Variants in EPC2 observed in about 807,000 individuals in gnomAD.
EPC2 encodes the protein enhancer of polycomb 2.
A neutral mutation model predicts 92.1 loss-of-function variants in EPC2; 14 were observed. That is an observed-to-expected ratio of 0.15 (90% CI 0.10 to 0.24). The LOEUF is 0.24. EPC2 is among the 10% of genes least tolerant of loss of function. EPC2 has a pLI of 1.00. For synonymous variants in EPC2, 340 were observed against 334.7 expected, an observed-to-expected ratio of 1.02 and a Z score of -0.17; for missense variants, 755 against 971.5, an observed-to-expected ratio of 0.78 and a Z score of 2.96.
chr2:148,708,979 T>G (rs1052979761), intron 2 of EPC2, among the ~76,000 whole-genome samples: 3 of 152,194 alleles, frequency 2.0e-5, no homozygotes, highest in African/African-American at 7.2e-5. Context: ...AACATAGTGT[T>G]GGAAGTTCTG....
chr2:148,737,367 A>ATATATTC lies in EPC2; in HGVS notation c.314-6255_314-6254insTATATTC, dbSNP rs1220697563. On this transcript the variant is annotated intron_variant, in intron 2 of 13. Transcript: ENST00000258484. ...TATCTATAAAATTAAATATATTCAA[A>ATATATTC]GAGGTCTAGTTATTACCTCTATCCC... Among the ~76,000 whole-genome samples, 41 of 152,294 alleles carry ATATATTC rather than the reference A, an allele frequency of 2.7e-4. No individual in the cohort carries two copies. The East Asian group carries it at 7.9e-3, about 29-fold the overall frequency.
At chr2:148,748,115 A>G (rs1181674682) in intron 3 of EPC2, among the ~76,000 whole-genome samples, 2 of 152,100 alleles carry the variant, frequency 1.3e-5, no homozygotes, top group Non-Finnish European at 2.9e-5. Context: ...GTTTTACAAG[A>G]TCGATTCACA....
intron 11 of EPC2, among the ~76,000 whole-genome samples, chr2:148,782,750 A>G (rs973481739): frequency 2.0e-4 from 3 of 14,890 alleles, no homozygotes; most frequent in Admixed American, 1.1e-3. Context: ...GCAGAACTAT[A>G]TGATAATAAA....
At chr2:148,779,375 A>G (rs909952083) in intron 10 of EPC2, among the ~76,000 whole-genome samples, 6 of 152,194 alleles carry the variant, frequency 3.9e-5, no homozygotes, top group Middle Eastern at 3.2e-3. Flanking sequence ...TGCAGCCATG[A>G]ACTGGAGGCC....
intron 11 of EPC2, among the ~76,000 whole-genome samples, chr2:148,783,195 A>T (rs186152896): frequency 1.4e-4 from 21 of 152,330 alleles, no homozygotes; most frequent in African/African-American, 4.8e-4. Flanking sequence ...TGGTTAACCA[A>T]CCAAAAGTAT....
At chr2:148,697,231 A>G (rs189053169) in intron 2 of EPC2, among the ~76,000 whole-genome samples, 1 of 152,178 alleles carries the variant, frequency 6.6e-6, no homozygotes, top group Non-Finnish European at 1.5e-5. Flanking sequence ...TCATCATTAC[A>G]AGTTGCAAAT....
chr2:148,646,941 C>T lies in EPC2; in HGVS notation c.153+1771C>T, dbSNP rs996453579. Among the ~76,000 whole-genome samples the T allele has an allele frequency of 2.6e-5, 4 of 152,002 alleles. 1 individual carries two copies. Among genetic ancestry groups the T allele is most frequent in the Admixed American group, 6.5e-5 (1 of 15,268 alleles). On this transcript the variant is annotated intron_variant, in intron 1 of 13. Transcript: ENST00000258484. ...CCTGGCCAGTATGGTGAAACTCCGT[C>T]TCCACTAAAAATACAAAAATTAGCC... is the stretch of plus-strand genomic sequence containing the variant.
At chr2:148,728,298 T>A (rs1002697011) in intron 2 of EPC2, among the ~76,000 whole-genome samples, 4 of 151,276 alleles carry the variant, frequency 2.6e-5, no homozygotes, top group African/African-American at 9.7e-5. Context: ...AGCACCTTGC[T>A]TTTTTTGTTT....
At chr2:148,681,633 A>G (rs960881374) in intron 1 of EPC2, among the ~76,000 whole-genome samples, 4 of 152,198 alleles carry the variant, frequency 2.6e-5, no homozygotes, top group African/African-American at 9.7e-5. Flanking sequence ...CCGTAAAAAA[A>G]AATTGCTGAC....
intron 2 of EPC2, among the ~76,000 whole-genome samples, chr2:148,715,762 T>C (rs1682247110): frequency 6.6e-6 from 1 of 152,188 alleles, no homozygotes; most frequent in Non-Finnish European, 1.5e-5. Context: ...CTGTGAAGAA[T>C]GTCAATGGTA....
At chr2:148,663,296 G>A (rs969778225) in intron 1 of EPC2, among the ~76,000 whole-genome samples, 4 of 149,820 alleles carry the variant, frequency 2.7e-5, no homozygotes, top group Admixed American at 2.0e-4. Flanking sequence ...TTGGCTCACT[G>A]CAAGCTCCGT....
chr2:148,730,035 A>T (rs1317213136), intron 2 of EPC2, among the ~76,000 whole-genome samples: 6 of 152,196 alleles, frequency 3.9e-5, no homozygotes, highest in Admixed American at 6.5e-5. Context: ...TAAAAATTTT[A>T]AATTAGTCAG....
chr2:148,657,874 ATCAC>A (rs1680837743), intron 1 of EPC2, among the ~76,000 whole-genome samples: 1 of 147,740 alleles, frequency 6.8e-6, no homozygotes, highest in East Asian at 2.1e-4. Context: ...TTTTTTGACT[ATCAC>A]TCATTTTGTG....
chr2:148,730,600 A>G (rs1038373266), intron 2 of EPC2, among the ~76,000 whole-genome samples: 1 of 152,152 alleles, frequency 6.6e-6, no homozygotes, highest in African/African-American at 2.4e-5. Context: ...AACCCTTCAG[A>G]TGATTCTGGT....
At chr2:148,663,870 C>G (rs1441033008) in intron 1 of EPC2, among the ~76,000 whole-genome samples, 6 of 152,126 alleles carry the variant, frequency 3.9e-5, no homozygotes, top group Non-Finnish European at 1.5e-5. Context: ...GTTCACACTC[C>G]TATGACAATC....
At chr2:148,660,070 A>C (rs1338689286) in intron 1 of EPC2, among the ~76,000 whole-genome samples, 1 of 152,152 alleles carries the variant, frequency 6.6e-6, no homozygotes, top group Non-Finnish European at 1.5e-5. Context: ...TGAAGAAGAA[A>C]ACACAAATCC....
At chr2:148,672,732 A>G (rs1681180510) in intron 1 of EPC2, among the ~76,000 whole-genome samples, 1 of 152,144 alleles carries the variant, frequency 6.6e-6, no homozygotes, top group Non-Finnish European at 1.5e-5. Flanking sequence ...TAATTTGCAT[A>G]CCACTATTAC....
intron 1 of EPC2, among the ~76,000 whole-genome samples, chr2:148,647,763 G>C (rs1201903766): frequency 1.3e-5 from 2 of 151,032 alleles, no homozygotes; most frequent in South Asian, 4.2e-4. Flanking sequence ...CTCTCAAGTA[G>C]TTGGGACTAC....
At chr2:148,735,910 A>T (rs1682743586) in intron 2 of EPC2, among the ~76,000 whole-genome samples, 1 of 152,076 alleles carries the variant, frequency 6.6e-6, no homozygotes, top group African/African-American at 2.4e-5. Context: ...CATGTGTTAT[A>T]GCTGGTTAAT....
Sources: gnomAD v4.1 joint callset for allele counts (sites outside exome capture counted in the v4.1 genomes callset) on GRCh38, gnomAD v4.1.1 for gene constraint, MANE v1.5 for transcripts, NCBI Gene and HGNC (gene_info 2026-07-23, HGNC 2026-07-21) for gene names.